The following FANCA variants were observed in gnomAD, a reference collection of about 807,000 sequenced individuals.
FANCA encodes Fanconi anemia group A protein.
A neutral mutation model predicts 194.3 loss-of-function variants in FANCA; 236 were observed. The ratio of observed to expected loss-of-function variants is 1.21; its 90% CI spans 1.09 to 1.35. The LOEUF (loss-of-function observed/expected upper bound fraction) is 1.35. Ranked by LOEUF, FANCA falls within the 40% of genes most tolerant of loss-of-function variation. FANCA has a pLI of 0.00. For missense variants in FANCA, 2,628 were observed against 1,813.9 expected, an observed-to-expected ratio of 1.45 and a Z score of -8.15; for synonymous variants, 1,014 against 715.8, an observed-to-expected ratio of 1.42 and a Z score of -6.65.
intron 28 of FANCA, among the ~76,000 whole-genome samples, chr16:89,764,114 C>T (rs1598100613): frequency 3.3e-5 from 5 of 151,622 alleles, no homozygotes; most frequent in African/African-American, 7.3e-5. Context: ...TGGTGGCAGG[C>T]GCCTGTAGTC....
Position 89,739,402 on chromosome 16 carries a change from G to A in FANCA, c.4010+76C>T, listed in dbSNP as rs994282443. 9.6e-6 allele frequency: 15 copies of A among 1,565,486 alleles called. No individual in the cohort carries two copies. The African/African-American group carries it at 2.0e-4, about 21-fold the overall frequency. On this transcript the variant is annotated intron_variant, in intron 40 of 42. Coordinates refer to ENST00000389301, the MANE Select transcript of FANCA (RefSeq NM_000135.4). ...GAGGCACAGACAACCCTTCCCATCTGGCGGGACCCAGAGGTGCTGAGATGG... is the reference window on the plus strand; with the variant it reads ...GAGGCACAGACAACCCTTCCCATCTAGCGGGACCCAGAGGTGCTGAGATGG...
Position 89,737,704 on chromosome 16 carries a change from C to T in FANCA, c.*897G>A, listed in dbSNP as rs1213538891. On this transcript the variant is annotated 3_prime_UTR_variant, in exon 43 of 43. Transcript: ENST00000389301. ...GGCCCACTGCATGGTGAACCATGTG[C>T]AGAAATGTCTTCCCAGCTGTGATGG... 1.3e-6 allele frequency: 2 copies of T among 1,583,392 alleles called. No homozygotes were observed. The highest frequency in any genetic ancestry group is 1.7e-6 in the Non-Finnish European group (2 of 1,162,256).
At position 89,759,331 on chromosome 16, in the gene FANCA, A is replaced by T. The variant is rs1468509341; in HGVS notation, c.2853-626T>A. Among the ~76,000 whole-genome samples the T allele has an allele frequency of 6.2e-5, 9 of 145,818 alleles. 1 individual carries two copies. The highest frequency in any genetic ancestry group is 4.0e-4 in the East Asian group (2 of 5,024). On this transcript the variant is annotated intron_variant, in intron 29 of 42. Coordinates refer to ENST00000389301, the MANE Select transcript of FANCA (RefSeq NM_000135.4). ...CGAGACTCCGTCTAAAAAAAAAAAAAAAAAAAAAAAAAAAAAAAGTAGCCT... is the reference window on the plus strand; with the variant it reads ...CGAGACTCCGTCTAAAAAAAAAAAATAAAAAAAAAAAAAAAAAAGTAGCCT...
At chr16:89,811,511 C>A (rs1225810038) in intron 3 of FANCA, among the ~76,000 whole-genome samples, 3 of 152,082 alleles carry the variant, frequency 2.0e-5, no homozygotes, top group Non-Finnish European at 2.9e-5. Context: ...AGGGATTTCC[C>A]AACATTCTGC....
At chr16:89,785,067 G>A in intron 14 of FANCA, 103 bp from the exon 15 acceptor site, 2 of 808,462 alleles carry the variant, frequency 2.5e-6, no homozygotes, top group Non-Finnish European at 4.3e-6. Context: ...AGGACAGCCA[G>A]GCGCAGCTGC....
chr16:89,770,243 C>A lies in FANCA; in HGVS notation c.2239G>T (p.Ala747Ser), dbSNP rs931143821. ...APPERQGPWA[A>S]LFVRTMCGRV... ...CCACACATGGTCCTCACGAAGAGGG[C>A]AGCCCAGGGACCCTGCCTGCAGAGA... The change falls in exon 25 of 43, where the codon GCC becomes TCC. Residue 747 changes from alanine (A) to serine (S), a missense_variant. Physicochemically the swap from Ala to Ser is moderately conservative, Grantham distance 99. Transcript: ENST00000389301. The A allele has an allele frequency of 1.3e-5, 21 of 1,581,530 alleles. No individual in the cohort carries two copies. The highest frequency in any genetic ancestry group is 2.7e-5 in the African/African-American group (2 of 74,608).
intron 11 of FANCA, among the ~76,000 whole-genome samples, chr16:89,795,258 C>G (rs2040203072): frequency 6.8e-6 from 1 of 147,912 alleles, no homozygotes; most frequent in Non-Finnish European, 1.5e-5. Context: ...GTACTCCAAC[C>G]TGGCAACAGA....
Position 89,762,825 on chromosome 16 carries a change from G to A in FANCA, c.2779-803C>T, listed in dbSNP as rs751771871. ...TTTTTAAAAACATTTTTAGGAGGCC[G>A]AGCACGGTGGCTCATGCCTGTAATC... On this transcript the variant is annotated intron_variant, in intron 28 of 42. Transcript: ENST00000389301. 2.9e-5 allele frequency: 13 copies of A among 440,770 alleles called. 1 individual carries two copies. Among genetic ancestry groups the A allele is most frequent in the Non-Finnish European group, 4.5e-5 (10 of 220,098 alleles). 27.3% of individuals were successfully genotyped at this position (440,770 alleles called of 1,614,324 possible).
intron 39 of FANCA, 136 bp from the exon 40 acceptor site, chr16:89,739,689 T>C: frequency 1.3e-6 from 2 of 1,516,280 alleles, no homozygotes; most frequent in African/African-American, 1.4e-5. Flanking sequence ...CAGCCTGAGC[T>C]GAGGATACCC....
At position 89,738,028 on chromosome 16, in the gene FANCA, A is replaced by C. The variant is rs775785148; in HGVS notation, c.*573T>G. On this transcript the variant is annotated 3_prime_UTR_variant, in exon 43 of 43. Transcript: ENST00000389301. The stretch of plus-strand genomic sequence containing the variant: ...GCAGCGGGCATCCCTCAAGTACCAC[A>C]TGACCAAACACAAGGCTGAGACTGA... The C allele has an allele frequency of 1.2e-6, 2 of 1,614,046 alleles. No individual in the cohort carries two copies. The highest frequency in any genetic ancestry group is 3.3e-5 in the Admixed American group (2 of 60,002).
intron 36 of FANCA, chr16:89,744,627 A>G: frequency 2.7e-6 from 1 of 371,856 alleles, no homozygotes; most frequent in South Asian, 2.2e-5. Context: ...AGCCTGGGAG[A>G]GGCCGTTCCT....
rs927314669 is a variant in FANCA at position 89,791,762 on chromosome 16, T to C, written c.1225+165A>G. 23 of 1,014,572 alleles carry C rather than the reference T, an allele frequency of 2.3e-5. No homozygotes were observed. The Admixed American group carries it at 3.0e-4, about 13-fold the overall frequency. 62.8% of individuals were successfully genotyped at this position (1,014,572 alleles called of 1,614,324 possible). On this transcript the variant is annotated intron_variant, in intron 13 of 42. Coordinates refer to ENST00000389301, the MANE Select transcript of FANCA (RefSeq NM_000135.4). Reference sequence around the variant, plus strand: ...CTCTCAGAGCAGCAGTCAGTGCTTATGGAAGCGTCTGACAAAGAATGTTCC... The same window carrying C: ...CTCTCAGAGCAGCAGTCAGTGCTTACGGAAGCGTCTGACAAAGAATGTTCC...
At chr16:89,762,480 G>T (rs1264582058) in intron 28 of FANCA, among the ~76,000 whole-genome samples, 1 of 151,494 alleles carries the variant, frequency 6.6e-6, no homozygotes, top group Non-Finnish European at 1.5e-5. Context: ...TGTGGTCCCA[G>T]CCTCTTGGGA....
intron 27 of FANCA, among the ~76,000 whole-genome samples, chr16:89,766,735 TTGTC>T (rs1370242793): frequency 1.3e-5 from 2 of 152,072 alleles, no homozygotes; most frequent in Non-Finnish European, 2.9e-5. Flanking sequence ...AAAAATTCCT[TTGTC>T]TGAACAATGT....
intron 18 of FANCA, 107 bp downstream of exon 18, chr16:89,779,762 C>G (rs185155920): frequency 3.2e-6 from 3 of 941,990 alleles, no homozygotes; most frequent in African/African-American, 3.2e-5. Context: ...AGAGCGGAGT[C>G]TGCACACCCT....
Position 89,739,261 on chromosome 16 carries a change from C to T in FANCA, c.4039G>A (p.Ala1347Thr), listed in dbSNP as rs751928369. Residue 1347 changes from alanine (A) to threonine (T), a missense_variant, in exon 41 of 43, where the codon GCC (alanine) becomes ACC (threonine). Physicochemically the swap from Ala to Thr is moderately conservative, Grantham distance 58. Coordinates refer to ENST00000389301, the MANE Select transcript of FANCA (RefSeq NM_000135.4). ...SLLSYFHEDAAIREEAFLHVA... is the reference protein window; with the variant it reads ...SLLSYFHEDATIREEAFLHVA... ...TGCAGGAAGGCCTCTTCCCTGATGG[C>T]CGCGTCTTCATGGAAGTAGGAGAGA... 1.2e-6 allele frequency: 2 copies of T among 1,614,154 alleles called. No homozygotes were observed. The highest frequency in any genetic ancestry group is 1.7e-6 in the Non-Finnish European group (2 of 1,180,042).
In FANCA at chr16:89,778,865, G is replaced by C. The variant is rs371919426; in HGVS notation, c.1777-15C>G. 1.1e-5 allele frequency: 18 copies of C among 1,613,832 alleles called. No homozygotes were observed. Among genetic ancestry groups the C allele is most frequent in the Middle Eastern group, 1.6e-4 (1 of 6,084 alleles). On this transcript the variant is annotated splice_polypyrimidine_tract_variant and intron_variant, in intron 19 of 42. Coordinates refer to ENST00000389301, the MANE Select transcript of FANCA (RefSeq NM_000135.4). Reference sequence around the variant, plus strand: ...ACTTTGGGGAGCTGTGGGAAGAGAAGAGACCTGTGAGAGACTGACAAGGAA... The same window carrying C: ...ACTTTGGGGAGCTGTGGGAAGAGAACAGACCTGTGAGAGACTGACAAGGAA...
chr16:89,775,038 G>A (rs921203072), intron 21 of FANCA, among the ~76,000 whole-genome samples: 28 of 151,572 alleles, frequency 1.8e-4, no homozygotes, highest in African/African-American at 6.5e-4. Flanking sequence ...AGGTTTCAGC[G>A]AGCCAAAATC....
At chr16:89,756,773 G>C (rs1428258047) in intron 30 of FANCA, among the ~76,000 whole-genome samples, 2 of 143,178 alleles carry the variant, frequency 1.4e-5, no homozygotes, top group Middle Eastern at 3.2e-3. Flanking sequence ...AGGCTGAAGA[G>C]AGGCTGAATA....
Sources: gnomAD v4.1 joint callset for allele counts (sites outside exome capture counted in the v4.1 genomes callset) on GRCh38, gnomAD v4.1.1 for gene constraint, MANE v1.5 for transcripts, NCBI Gene and HGNC (gene_info 2026-07-23, HGNC 2026-07-21) for gene names.